CSMD1: variants seen among roughly 807,000 people sequenced by gnomAD.
CSMD1 encodes CUB and sushi domain-containing protein 1.
In CSMD1, 213 loss-of-function variants were observed where a neutral mutation model predicts 417.5. The observed-to-expected ratio is 0.51, with a 90% CI of 0.46 to 0.57. The LOEUF (loss-of-function observed/expected upper bound fraction) is 0.57. Among genes scored for constraint, CSMD1 ranks in the 20% least tolerant of loss-of-function variants. The pLI is 0.00. For synonymous variants in CSMD1, 2,862 were observed against 1,736.8 expected, an observed-to-expected ratio of 1.65 and a Z score of -16.11; for missense variants, 6,923 against 4,529.7, an observed-to-expected ratio of 1.53 and a Z score of -15.17.
chr8:4,547,174 C>A (rs768744837), intron 2 of CSMD1, among the ~76,000 whole-genome samples: 25 of 152,196 alleles, frequency 1.6e-4, no homozygotes, highest in Non-Finnish European at 2.9e-5. Context: ...TCTATCCCAA[C>A]CCGTCCACTT....
chr8:3,189,510 G>T (rs1796287446), intron 34 of CSMD1, among the ~76,000 whole-genome samples: 1 of 152,130 alleles, frequency 6.6e-6, no homozygotes, highest in African/African-American at 2.4e-5. Context: ...AACTAACAAG[G>T]TCACTGTTAT....
intron 26 of CSMD1, among the ~76,000 whole-genome samples, chr8:3,231,416 C>A (rs1540509): frequency 2.0e-5 from 3 of 152,086 alleles, no homozygotes; most frequent in Non-Finnish European, 1.5e-5. Flanking sequence ...TACCATCACA[C>A]TGTCCATTTT....
At chr8:4,860,912 A>G (rs1437493685) in intron 1 of CSMD1, among the ~76,000 whole-genome samples, 1 of 152,038 alleles carries the variant, frequency 6.6e-6, no homozygotes, top group Non-Finnish European at 1.5e-5. Flanking sequence ...TACATAGTGA[A>G]TCTCTGTTCA....
chr8:3,475,100 A>G (rs1052177835), intron 11 of CSMD1, among the ~76,000 whole-genome samples: 1 of 152,062 alleles, frequency 6.6e-6, no homozygotes, highest in African/African-American at 2.4e-5. Context: ...AAATCCTTGT[A>G]TGGACTGTCA....
intron 55 of CSMD1, among the ~76,000 whole-genome samples, chr8:2,976,931 T>C (rs1804978539): frequency 6.6e-6 from 1 of 151,962 alleles, no homozygotes; most frequent in African/African-American, 2.4e-5. Context: ...AGAGGGGCCA[T>C]AAGGATCATC....
At chr8:3,378,590 C>T (rs1476608044) in intron 18 of CSMD1, among the ~76,000 whole-genome samples, 1 of 152,158 alleles carries the variant, frequency 6.6e-6, no homozygotes, top group Non-Finnish European at 1.5e-5. Flanking sequence ...AAGGCTAGTT[C>T]CATATATGCA....
intron 23 of CSMD1, among the ~76,000 whole-genome samples, chr8:3,334,221 G>A (rs1585014791): frequency 6.6e-6 from 1 of 152,102 alleles, no homozygotes; most frequent in East Asian, 1.9e-4. Context: ...CTTGATCAAC[G>A]CATAATTTCA....
intron 5 of CSMD1, among the ~76,000 whole-genome samples, chr8:3,938,264 T>C (rs193171517): frequency 6.6e-6 from 1 of 152,064 alleles, no homozygotes; most frequent in African/African-American, 2.4e-5. Flanking sequence ...AAAAATTAAA[T>C]CTACAGAGCA....
At chr8:3,179,106 T>A (rs189287898) in intron 37 of CSMD1, among the ~76,000 whole-genome samples, 3 of 151,108 alleles carry the variant, frequency 2.0e-5, no homozygotes, top group East Asian at 3.9e-4. Context: ...CCACCACGCC[T>A]GGCTAATTCT....
intron 52 of CSMD1, among the ~76,000 whole-genome samples, chr8:3,003,909 A>T (rs1218970020): frequency 6.6e-6 from 1 of 152,214 alleles, no homozygotes; most frequent in Non-Finnish European, 1.5e-5. Flanking sequence ...GAAGACTATG[A>T]TGTCAAATGA....
chr8:4,615,360 G>A (rs1028010270), intron 2 of CSMD1, among the ~76,000 whole-genome samples: 1 of 152,106 alleles, frequency 6.6e-6, no homozygotes, highest in Non-Finnish European at 1.5e-5. Flanking sequence ...TACAGCAATG[G>A]TGTTTCTTCT....
In CSMD1 at chr8:4,452,657, C is replaced by G. The variant is rs147151315; in HGVS notation, c.303-32592G>C. 5.9e-3 allele frequency among the ~76,000 whole-genome samples: 854 copies of G among 145,234 alleles called. 6 individuals carry two copies. The highest frequency in any genetic ancestry group is 0.02 in the African/African-American group (803 of 40,662). On this transcript the variant is annotated intron_variant, in intron 2 of 69. Transcript: ENST00000635120. Reference sequence around the variant, plus strand: ...TGAAAAATTCTTGAGTGAAACGTAACATTGCATATTTTCTCCAGAAATAAA... The same window carrying G: ...TGAAAAATTCTTGAGTGAAACGTAAGATTGCATATTTTCTCCAGAAATAAA...
chr8:3,609,583 T>C (rs1202802180), intron 8 of CSMD1, among the ~76,000 whole-genome samples: 1 of 152,066 alleles, frequency 6.6e-6, no homozygotes, highest in Non-Finnish European at 1.5e-5. Flanking sequence ...TGAGGAATAT[T>C]TTACCAGCCT....
At chr8:3,216,798 G>A (rs1200308998) in intron 29 of CSMD1, among the ~76,000 whole-genome samples, 2 of 152,216 alleles carry the variant, frequency 1.3e-5, no homozygotes, top group Non-Finnish European at 2.9e-5. Context: ...GCCTCAGCCA[G>A]GATTTGTGAA....
intron 2 of CSMD1, among the ~76,000 whole-genome samples, chr8:4,579,442 TCCG>T (rs1177786119): frequency 6.6e-6 from 1 of 152,008 alleles, no homozygotes; most frequent in Non-Finnish European, 1.5e-5. Context: ...CAGTGCAACC[TCCG>T]CCTCCCAGGT....
intron 3 of CSMD1, among the ~76,000 whole-genome samples, chr8:4,307,421 C>G (rs1168072466): frequency 1.3e-5 from 2 of 152,140 alleles, no homozygotes; most frequent in Non-Finnish European, 2.9e-5. Context: ...TCGTATCACA[C>G]CAAGTTGAGA....
At chr8:4,714,459 T>G (rs771804749) in intron 1 of CSMD1, among the ~76,000 whole-genome samples, 1 of 152,178 alleles carries the variant, frequency 6.6e-6, no homozygotes, top group African/African-American at 2.4e-5. Flanking sequence ...TCAAAATACA[T>G]AAGCGCTTTC....
chr8:4,371,123 G>T (rs1306580757), intron 3 of CSMD1, among the ~76,000 whole-genome samples: 1 of 152,166 alleles, frequency 6.6e-6, no homozygotes, highest in East Asian at 1.9e-4. Flanking sequence ...TATTGCCCTT[G>T]AGAGTTTCAC....
intron 5 of CSMD1, among the ~76,000 whole-genome samples, chr8:3,926,113 ACAC>A (rs1425032117): frequency 2.8e-5 from 3 of 107,418 alleles, no homozygotes; most frequent in Non-Finnish European, 5.7e-5. Flanking sequence ...ACACACACAC[ACAC>A]ACACACACAC....
Sources: gnomAD v4.1 joint callset for allele counts (sites outside exome capture counted in the v4.1 genomes callset) on GRCh38, gnomAD v4.1.1 for gene constraint, MANE v1.5 for transcripts, NCBI Gene and HGNC (gene_info 2026-07-23, HGNC 2026-07-21) for gene names.